The following KBTBD11 variants were observed in gnomAD, a reference collection of about 807,000 sequenced individuals.
KBTBD11 encodes the protein kelch repeat and BTB domain-containing protein 11.
For synonymous variants in KBTBD11, 747 were observed against 499.0 expected (o/e 1.50, Z -6.63); for missense variants, 1,390 against 1,001.8 (o/e 1.39, Z -5.23).
At chr8:1,985,445 A>T (rs987681942) in intron 1 of KBTBD11, among the ~76,000 whole-genome samples, 1 of 152,224 alleles carries the variant, frequency 6.6e-6, no homozygotes, top group African/African-American at 2.4e-5. Context: ...TCCAGGGGAG[A>T]TGCTCTTCCA....
intron 1 of KBTBD11, among the ~76,000 whole-genome samples, chr8:1,988,873 T>C (rs1226368954): frequency 2.0e-5 from 3 of 149,908 alleles, no homozygotes; most frequent in South Asian, 4.1e-4. Context: ...TAATTATCAT[T>C]ATTAACATAT....
chr8:1,993,355 ATCGG>A (rs200319048), intron 1 of KBTBD11, among the ~76,000 whole-genome samples: 2 of 76,022 alleles, frequency 2.6e-5, no homozygotes, highest in Non-Finnish European at 3.2e-5. Flanking sequence ...CTGTCCATCC[ATCGG>A]TCCATCCGTC....
intron 1 of KBTBD11, among the ~76,000 whole-genome samples, chr8:1,980,197 G>C (rs1266849142): frequency 6.7e-6 from 1 of 150,214 alleles, no homozygotes; most frequent in Non-Finnish European, 1.5e-5. Flanking sequence ...CTGTGTGCCA[G>C]CCTAAATGAT....
chr8:2,002,652 G>A lies in KBTBD11; in HGVS notation c.1460G>A (p.Ser487Asn), dbSNP rs749725159. The A allele has an allele frequency of 3.2e-6, 5 of 1,575,566 alleles. No homozygotes were observed. The highest frequency in any genetic ancestry group is 1.1e-5 in the South Asian group (1 of 87,396). The change falls in exon 2 of 2, where the codon AGC becomes AAC. Residue 487 changes from serine to asparagine, a missense_variant. Coordinates refer to ENST00000320248, the MANE Select transcript of KBTBD11 (RefSeq NM_014867.3). This position sits in a 1 kb window ranked among gnomAD's most constrained non-coding sequence, Gnocchi z 4.1. ...GAGTGGCAGGAGTGCCCGTGCAGCAGCAGCCGCGAGCGCTCGGCCGACATG... is the reference window on the plus strand; with the variant it reads ...GAGTGGCAGGAGTGCCCGTGCAGCAACAGCCGCGAGCGCTCGGCCGACATG... Reference protein sequence around the residue: ...RDEWQECPCSSSRERSADMVA... With the variant: ...RDEWQECPCSNSRERSADMVA...
In KBTBD11 at chr8:2,001,787, G is replaced by A; in HGVS notation, c.595G>A (p.Val199Met). The A allele has an allele frequency of 7.9e-7, 1 of 1,262,002 alleles. No homozygotes were observed. The highest frequency in any genetic ancestry group is 9.9e-7 in the Non-Finnish European group (1 of 1,007,246). 78.2% of individuals were successfully genotyped at this position (1,262,002 alleles called of 1,614,324 possible). A position where few individuals can be genotyped will look rare whatever the true frequency, so the allele number is the denominator to read the frequency against. The change falls in exon 2 of 2, where the codon GTG (valine) becomes ATG (methionine). Residue 199 changes from valine (V) to methionine (M), a missense_variant. Transcript: ENST00000320248. Reference protein sequence around the residue: ...ADAYSGRMAGVRPDNVAEVVA... With the variant: ...ADAYSGRMAGMRPDNVAEVVA... Reference sequence around the variant, plus strand: ...CGCCTACAGCGGGCGCATGGCGGGCGTGCGGCCCGACAACGTGGCCGAGGT... The same window carrying A: ...CGCCTACAGCGGGCGCATGGCGGGCATGCGGCCCGACAACGTGGCCGAGGT...
intron 1 of KBTBD11, among the ~76,000 whole-genome samples, chr8:1,993,536 CCCACCCACCCACCCACCCACCCATCCAT>C (rs1817012474): frequency 7.6e-5 from 4 of 52,660 alleles, no homozygotes; most frequent in Non-Finnish European, 1.2e-4. Flanking sequence ...CATCCACCCA[CCCACCCACCCACCCACCCACCCATCCAT>C]CCATCCATCC....
At chr8:1,991,690 G>A (rs933178447) in intron 1 of KBTBD11, among the ~76,000 whole-genome samples, 3 of 152,052 alleles carry the variant, frequency 2.0e-5, no homozygotes, top group African/African-American at 7.3e-5. Flanking sequence ...AGGATCCCGA[G>A]GCCTGCTTCC....
At chr8:1,982,795 T>G (rs999971152) in intron 1 of KBTBD11, among the ~76,000 whole-genome samples, 40 of 150,750 alleles carry the variant, frequency 2.7e-4, no homozygotes, top group Non-Finnish European at 4.3e-4. Context: ...CAGGCTGGAG[T>G]GCAGTGGTGT....
Position 2,002,326 on chromosome 8 carries a change from G to T in KBTBD11, c.1134G>T (p.Pro378=), listed in dbSNP as rs893994501. ...APAGPDGRAR[P]SDQVFCYNPA... is the part of the protein sequence containing the mutation. ...CGGGCCCCGACGGCCGCGCGCGCCCGTCCGACCAGGTCTTCTGCTACAACC... is the reference window on the plus strand; with the variant it reads ...CGGGCCCCGACGGCCGCGCGCGCCCTTCCGACCAGGTCTTCTGCTACAACC... Residue 378 remains proline, a synonymous_variant, in exon 2 of 2, where the codon CCG becomes CCT. Transcript: ENST00000320248. The surrounding 1 kb of genome is among the most constrained non-coding windows in gnomAD (Gnocchi z 4.1). The T allele has an allele frequency of 2.2e-6, 3 of 1,344,562 alleles. No individual in the cohort carries two copies. Among genetic ancestry groups the T allele is most frequent in the Non-Finnish European group, 2.9e-6 (3 of 1,047,452 alleles). The allele number at this position is 1,344,562 out of a possible 1,614,324, so 83.3% of individuals were successfully genotyped here. A position where few individuals can be genotyped will look rare whatever the true frequency, so the allele number is the denominator to read the frequency against.
chr8:2,001,601 T>C lies in KBTBD11; in HGVS notation c.409T>C (p.Tyr137His). The change falls in exon 2 of 2, where the codon TAC (tyrosine) becomes CAC (histidine). Residue 137 changes from tyrosine (Y) to histidine (H), a missense_variant. Coordinates refer to ENST00000320248, the MANE Select transcript of KBTBD11 (RefSeq NM_014867.3). ...APVPPGFGAVYGEPDLVLEVS... is the reference protein window; with the variant it reads ...APVPPGFGAVHGEPDLVLEVS... ...CGTACCCCCGGGGTTCGGGGCGGTGTACGGGGAGCCGGACCTGGTGCTGGA... is the reference window on the plus strand; with the variant it reads ...CGTACCCCCGGGGTTCGGGGCGGTGCACGGGGAGCCGGACCTGGTGCTGGA... 1 of 1,472,280 alleles carries C rather than the reference T, an allele frequency of 6.8e-7. No homozygotes were observed. The highest frequency in any genetic ancestry group is 9.0e-7 in the Non-Finnish European group (1 of 1,117,262). The allele number at this position is 1,472,280 out of a possible 1,614,324, so 91.2% of individuals were successfully genotyped here.
chr8:1,999,289 G>A (rs1013341411), intron 1 of KBTBD11, among the ~76,000 whole-genome samples: 1 of 152,168 alleles, frequency 6.6e-6, no homozygotes, highest in Non-Finnish European at 1.5e-5. Context: ...ACCAGGTAAT[G>A]CTATTGCACA....
chr8:1,984,321 C>G (rs1413763216), intron 1 of KBTBD11, among the ~76,000 whole-genome samples: 1 of 130,076 alleles, frequency 7.7e-6, no homozygotes, highest in Non-Finnish European at 1.6e-5. Context: ...CAGAGTCTTG[C>G]ACTTTCACCC....
At chr8:1,989,504 G>A (rs1334670859) in intron 1 of KBTBD11, among the ~76,000 whole-genome samples, 1 of 152,170 alleles carries the variant, frequency 6.6e-6, no homozygotes, top group African/African-American at 2.4e-5. Context: ...GTCCATGCAG[G>A]TGTATCGTCG....
At position 2,002,006 on chromosome 8, in the gene KBTBD11, G is replaced by A. The variant is rs1397928556; in HGVS notation, c.814G>A (p.Val272Met). 1 of 1,418,882 alleles carries A rather than the reference G, an allele frequency of 7.0e-7. No individual in the cohort carries two copies. The highest frequency in any genetic ancestry group is 1.3e-5 in the South Asian group (1 of 78,968). The allele number at this position is 1,418,882 out of a possible 1,614,324, so 87.9% of individuals were successfully genotyped here. The change falls in exon 2 of 2, where the codon GTG becomes ATG. Residue 272 changes from valine to methionine, a missense_variant. Transcript: ENST00000320248. This position sits in a 1 kb window ranked among gnomAD's most constrained non-coding sequence, Gnocchi z 4.1. Reference protein sequence around the residue: ...HYLEVLREPAVFGRLSGAERD... With the variant: ...HYLEVLREPAMFGRLSGAERD... ...TCTGGAGGTGCTGCGCGAGCCCGCC[G>A]TGTTCGGCCGCCTGTCGGGCGCAGA...
At chr8:1,987,312 T>C (rs1252753036) in intron 1 of KBTBD11, among the ~76,000 whole-genome samples, 27 of 152,352 alleles carry the variant, frequency 1.8e-4, no homozygotes, top group Non-Finnish European at 4.4e-5. Context: ...TGACTCACGT[T>C]GAGACATGCA....
At chr8:1,986,361 T>G (rs1816706141) in intron 1 of KBTBD11, among the ~76,000 whole-genome samples, 1 of 152,140 alleles carries the variant, frequency 6.6e-6, no homozygotes, top group Non-Finnish European at 1.5e-5. Context: ...AAAAAAGAAG[T>G]AGGAGACGGG....
rs1190430795 is a variant in KBTBD11, at chr8:2,001,611, C to T, written c.419C>T (p.Pro140Leu). 1.4e-6 allele frequency: 2 copies of T among 1,476,196 alleles called. No homozygotes were observed. The highest frequency in any genetic ancestry group is 1.3e-5 in the South Asian group (1 of 78,656). 91.4% of individuals were successfully genotyped at this position (1,476,196 alleles called of 1,614,324 possible). The change falls in exon 2 of 2, where the codon CCG (proline) becomes CTG (leucine). Residue 140 changes from proline to leucine, a missense_variant. Physicochemically the swap from Pro to Leu is moderately conservative, Grantham distance 98. Transcript: ENST00000320248. Reference protein sequence around the residue: ...PPGFGAVYGEPDLVLEVSGRR... With the variant: ...PPGFGAVYGELDLVLEVSGRR... ...GGGTTCGGGGCGGTGTACGGGGAGCCGGACCTGGTGCTGGAGGTGTCGGGG... is the reference window on the plus strand; with the variant it reads ...GGGTTCGGGGCGGTGTACGGGGAGCTGGACCTGGTGCTGGAGGTGTCGGGG...
rs1056426570 is a variant in KBTBD11, at chr8:2,001,470, C to T, written c.278C>T (p.Ser93Phe). ...GCCGCGTCCCCGGAGGAGCTCGCGT[C>T]CCCTGAGGAGCGCGCGTGCCCGGAA... ...AGAASPEELA[S>F]PEERACPEEP... The change falls in exon 2 of 2, where the codon TCC (serine) becomes TTC (phenylalanine). Residue 93 changes from serine to phenylalanine, a missense_variant. Transcript: ENST00000320248. The T allele has an allele frequency of 7.3e-6, 10 of 1,374,770 alleles. No individual in the cohort carries two copies. The Admixed American group carries it at 2.6e-4, about 36-fold the overall frequency. The allele number at this position is 1,374,770 out of a possible 1,614,324, so 85.2% of individuals were successfully genotyped here. A position where few individuals can be genotyped will look rare whatever the true frequency, so the allele number is the denominator to read the frequency against.
intron 1 of KBTBD11, among the ~76,000 whole-genome samples, chr8:1,984,298 T>C (rs1816639326): frequency 7.1e-6 from 1 of 140,818 alleles, no homozygotes; most frequent in Non-Finnish European, 1.6e-5. Context: ...TTTTTTTTTT[T>C]TTTTTTTTGA....
Sources: allele counts gnomAD v4.1 joint callset (sites outside exome capture counted in the v4.1 genomes callset), GRCh38; gene constraint gnomAD v4.1.1; non-coding constraint Gnocchi (gnomAD v3.1); transcripts MANE v1.5; gene names NCBI Gene and HGNC (gene_info 2026-07-23, HGNC 2026-07-21).